Variants in INPP4B observed in about 807,000 individuals in gnomAD.
INPP4B encodes inositol polyphosphate-4-phosphatase type II B, also known as inositol polyphosphate 4-phosphatase type II.
Under a neutral mutation model 122.5 loss-of-function variants are expected in INPP4B, and 55 were observed. That is an observed-to-expected ratio of 0.45 (90% CI 0.36 to 0.56). The LOEUF (loss-of-function observed/expected upper bound fraction) is 0.56, where lower values mean the gene tolerates loss of function less well. Among genes scored for constraint, INPP4B ranks in the 20% least tolerant of loss-of-function variants. The pLI is 0.00. For synonymous variants in INPP4B, 403 were observed against 388.7 expected (o/e 1.04, Z -0.43); for missense variants, 1,000 against 1,097.7 (o/e 0.91, Z 1.26).
At chr4:142,821,283 A>G (rs1248983784) in intron 1 of INPP4B, among the ~76,000 whole-genome samples, 1 of 152,096 alleles carries the variant, frequency 6.6e-6, no homozygotes, top group African/African-American at 2.4e-5. Flanking sequence ...TTTGATTTAT[A>G]TACTATTTTA....
At chr4:142,498,681 C>T (rs1037851733) in intron 2 of INPP4B, among the ~76,000 whole-genome samples, 2 of 151,950 alleles carry the variant, frequency 1.3e-5, no homozygotes, top group South Asian at 4.2e-4. Flanking sequence ...GTAGCACCTA[C>T]TCGAGAGGTT....
intron 10 of INPP4B, among the ~76,000 whole-genome samples, chr4:142,269,622 G>C (rs1197302868): frequency 6.6e-6 from 1 of 152,116 alleles, no homozygotes; most frequent in Non-Finnish European, 1.5e-5. Context: ...CGTTAGCCAG[G>C]AGGAATAAGC....
intron 11 of INPP4B, among the ~76,000 whole-genome samples, chr4:142,249,039 T>C (rs1163190449): frequency 6.6e-6 from 1 of 151,946 alleles, no homozygotes; most frequent in Non-Finnish European, 1.5e-5. Context: ...TTAACCCTAT[T>C]TGGTGAAAAA....
At chr4:142,233,594 G>C (rs1265721104) in intron 12 of INPP4B, among the ~76,000 whole-genome samples, 1 of 152,080 alleles carries the variant, frequency 6.6e-6, no homozygotes, top group Non-Finnish European at 1.5e-5. Flanking sequence ...TATCTGAATT[G>C]TGAGACTGGG....
At chr4:142,715,447 A>G (rs1452418482) in intron 2 of INPP4B, among the ~76,000 whole-genome samples, 1 of 152,238 alleles carries the variant, frequency 6.6e-6, no homozygotes, top group African/African-American at 2.4e-5. Context: ...GAATTTGTCA[A>G]GTTGGAATAC....
rs576256600 is a variant in INPP4B, at chr4:142,492,633, C to G, written c.-190-29907G>C. ...CAAAGAGACTGGTGGCATTTTGCCC[C>G]TGCCCTAGAGATCTGTGGAACTTTG... On this transcript the variant is annotated intron_variant, in intron 2 of 25. Coordinates refer to ENST00000262992, the MANE Select transcript of INPP4B (RefSeq NM_001101669.3). 7.2e-5 allele frequency among the ~76,000 whole-genome samples: 11 copies of G among 152,248 alleles called. No individual in the cohort carries two copies. The South Asian group carries it at 2.3e-3, about 32-fold the overall frequency.
chr4:142,781,789 C>T (rs1340457163), intron 1 of INPP4B, among the ~76,000 whole-genome samples: 3 of 151,928 alleles, frequency 2.0e-5, no homozygotes, highest in African/African-American at 7.2e-5. Context: ...GAATATAATA[C>T]TAAAATAAAA....
intron 2 of INPP4B, among the ~76,000 whole-genome samples, chr4:142,520,915 A>T (rs540869175): frequency 2.6e-5 from 4 of 152,074 alleles, no homozygotes; most frequent in African/African-American, 9.6e-5. Context: ...CATTGACCTT[A>T]TGATCTTTGT....
At chr4:142,257,659 G>A (rs1398517764) in intron 11 of INPP4B, among the ~76,000 whole-genome samples, 4 of 152,198 alleles carry the variant, frequency 2.6e-5, no homozygotes, top group Non-Finnish European at 5.9e-5. Context: ...GGATGTGAAG[G>A]ATTTCTTCAA....
At chr4:142,723,985 A>G (rs563268407) in intron 2 of INPP4B, among the ~76,000 whole-genome samples, 197 of 152,102 alleles carry the variant, frequency 1.3e-3, no homozygotes, top group Middle Eastern at 3.4e-3. Flanking sequence ...CTCACTTCCA[A>G]CCTCCACAGC....
At chr4:142,263,406 A>G (rs1447039321) in intron 10 of INPP4B, among the ~76,000 whole-genome samples, 1 of 151,818 alleles carries the variant, frequency 6.6e-6, no homozygotes, top group Non-Finnish European at 1.5e-5. Context: ...CATCTTATTT[A>G]TTGATCCACC....
intron 2 of INPP4B, among the ~76,000 whole-genome samples, chr4:142,708,405 A>G: frequency 6.6e-6 from 1 of 152,326 alleles, no homozygotes; most frequent in Non-Finnish European, 1.5e-5. Flanking sequence ...AAGGCATTTC[A>G]GAAAACTTCA....
In INPP4B at chr4:142,398,426, AT is replaced by A. The variant is rs1562011244; in HGVS notation, c.372+4511del. Among the ~76,000 whole-genome samples the A allele has an allele frequency of 2.2e-4, 25 of 113,498 alleles. 1 individual carries two copies. Among genetic ancestry groups the A allele is most frequent in the African/African-American group, 7.9e-4 (24 of 30,494 alleles). 74.5% of individuals were successfully genotyped at this position (113,498 alleles called of 152,430 possible). ...AATATATATATATATATATATATATATATATATATATATATATATAAAACAT... is the reference window on the plus strand; with the variant it reads ...AATATATATATATATATATATATATAATATATATATATATATATAAAACAT... On this transcript the variant is annotated intron_variant, in intron 7 of 25. Coordinates refer to ENST00000262992, the MANE Select transcript of INPP4B (RefSeq NM_001101669.3).
intron 2 of INPP4B, among the ~76,000 whole-genome samples, chr4:142,689,884 G>A (rs1336387315): frequency 1.3e-5 from 2 of 152,094 alleles, no homozygotes; most frequent in East Asian, 3.9e-4. Flanking sequence ...TTCTCACTAA[G>A]TACTAAGTTC....
chr4:142,595,999 C>T (rs1011998337), intron 2 of INPP4B, among the ~76,000 whole-genome samples: 4 of 152,096 alleles, frequency 2.6e-5, no homozygotes, highest in Non-Finnish European at 1.5e-5. Flanking sequence ...CAGCCACACA[C>T]CACCATGCCC....
At chr4:142,742,823 A>G (rs1482678584) in intron 1 of INPP4B, among the ~76,000 whole-genome samples, 1 of 152,002 alleles carries the variant, frequency 6.6e-6, no homozygotes, top group African/African-American at 2.4e-5. Context: ...TAATTCAATA[A>G]ATAACAAAAC....
chr4:142,663,313 CATT>C (rs1414775150), intron 2 of INPP4B, among the ~76,000 whole-genome samples: 1 of 152,052 alleles, frequency 6.6e-6, no homozygotes, highest in Non-Finnish European at 1.5e-5. Flanking sequence ...AAATCAGTAT[CATT>C]GTTAATAAAT....
chr4:142,659,528 C>T (rs529321087), intron 2 of INPP4B, among the ~76,000 whole-genome samples: 142 of 152,222 alleles, frequency 9.3e-4, no homozygotes, highest in Non-Finnish European at 1.6e-3. Context: ...ACTAACCCTG[C>T]TTGTTCCTAT....
intron 2 of INPP4B, among the ~76,000 whole-genome samples, chr4:142,527,126 A>T (rs539019011): frequency 3.6e-4 from 55 of 152,100 alleles, no homozygotes; most frequent in African/African-American, 1.3e-3. Context: ...ATGAAAGACA[A>T]AACAGCTAGC....
Sources: allele counts gnomAD v4.1 joint callset (sites outside exome capture counted in the v4.1 genomes callset), GRCh38; gene constraint gnomAD v4.1.1; transcripts MANE v1.5; gene names NCBI Gene and HGNC (gene_info 2026-07-23, HGNC 2026-07-21).